The following CENPP variants were observed in gnomAD, a reference collection of about 807,000 sequenced individuals.
CENPP encodes the protein centromere protein P.
CENPP carries 24 observed loss-of-function variants against 35.6 expected under a neutral mutation model. The ratio of observed to expected loss-of-function variants is 0.67; its 90% CI spans 0.49 to 0.95. The LOEUF (loss-of-function observed/expected upper bound fraction) is 0.95. Among genes scored for constraint, CENPP ranks in the 40% least tolerant of loss-of-function variants. The pLI is 0.00. For synonymous variants in CENPP, 120 were observed against 125.5 expected, an observed-to-expected ratio of 0.96 and a Z score of 0.29; for missense variants, 332 against 345.3, an observed-to-expected ratio of 0.96 and a Z score of 0.31.
chr9:92,505,549 A>G, intron 5 of CENPP: 1 of 1,600,492 alleles, frequency 6.2e-7, no homozygotes, highest in African/African-American at 1.3e-5. Flanking sequence ...AGAACCAGGA[A>G]GACCCTGCGG....
At chr9:92,490,730 A>G (rs897640395) in intron 5 of CENPP, among the ~76,000 whole-genome samples, 1 of 152,226 alleles carries the variant, frequency 6.6e-6, no homozygotes, top group African/African-American at 2.4e-5. Flanking sequence ...AATCAGATTG[A>G]TTACTAAGTA....
rs1843547812 is a variant in CENPP at position 92,415,018 on chromosome 9, CTTAAA to C, written c.564+35162_564+35166del. 1.4e-5 allele frequency: 9 copies of C among 633,574 alleles called. No homozygotes were observed. In the South Asian group the frequency reaches 1.7e-4, roughly 12 times the overall value. 39.2% of individuals were successfully genotyped at this position (633,574 alleles called of 1,614,324 possible). ...GAAATGATGCAGATGTCACCAACAA[CTTAAA>C]TTCAATTCTGATCTTATACTAATAC... On this transcript the variant is annotated intron_variant, in intron 5 of 7. Coordinates refer to ENST00000375587, the MANE Select transcript of CENPP (RefSeq NM_001012267.3).
chr9:92,393,174 A>G lies in CENPP; in HGVS notation c.564+13315A>G, dbSNP rs370858536. 2.0e-5 allele frequency: 32 copies of G among 1,613,710 alleles called. No individual in the cohort carries two copies. In the African/African-American group the frequency reaches 3.9e-4, roughly 20 times the overall value. ...CTGATTCCTTTGGTAAGGGTGGTACAGCATCAATGTCAACTTCTTCACAGT... is the reference window on the plus strand; with the variant it reads ...CTGATTCCTTTGGTAAGGGTGGTACGGCATCAATGTCAACTTCTTCACAGT... On this transcript the variant is annotated intron_variant, in intron 5 of 7. Transcript: ENST00000375587.
intron 5 of CENPP, among the ~76,000 whole-genome samples, chr9:92,453,620 A>G (rs557188790): frequency 6.6e-6 from 1 of 152,074 alleles, no homozygotes; most frequent in Non-Finnish European, 1.5e-5. Context: ...TTAGAGACTT[A>G]GACTCCCACA....
intron 5 of CENPP, among the ~76,000 whole-genome samples, chr9:92,511,544 T>A (rs933846408): frequency 3.9e-5 from 6 of 152,120 alleles, no homozygotes; most frequent in Admixed American, 3.9e-4. Flanking sequence ...CTAATTTTTA[T>A]ATGAGCCTAT....
chr9:92,568,233 C>G (rs1046845032), intron 5 of CENPP, among the ~76,000 whole-genome samples: 3 of 149,164 alleles, frequency 2.0e-5, no homozygotes, highest in African/African-American at 7.6e-5. Flanking sequence ...TATCCTTCCC[C>G]CTTCCCCCCA....
intron 4 of CENPP, among the ~76,000 whole-genome samples, chr9:92,352,505 G>GTGTGTGTGTATAAATATATA: frequency 6.0e-5 from 3 of 49,766 alleles, no homozygotes; most frequent in Non-Finnish European, 3.3e-5. Context: ...GTGTGTGTGT[G>GTGTGTGTGTATAAATATATA]TATACATATA....
Position 92,352,944 on chromosome 9 carries a change from A to T in CENPP, c.467+7157A>T, listed in dbSNP as rs549447764. Among the ~76,000 whole-genome samples the T allele has an allele frequency of 1.6e-4, 25 of 152,212 alleles. 1 individual carries two copies. The highest frequency in any genetic ancestry group is 5.8e-4 in the African/African-American group (24 of 41,516). On this transcript the variant is annotated intron_variant, in intron 4 of 7. Transcript: ENST00000375587. ...AACCATGACAAGTCCACCCCTTGTC[A>T]ACTTGAACCCATACACATCTCCTAA...
chr9:92,577,832 G>T lies in CENPP; in HGVS notation c.565-33482G>T, dbSNP rs976527918. Among the ~76,000 whole-genome samples, 7 of 151,474 alleles carry T rather than the reference G, an allele frequency of 4.6e-5. No homozygotes were observed. The South Asian group carries it at 1.5e-3, about 32-fold the overall frequency. On this transcript the variant is annotated intron_variant, in intron 5 of 7. Transcript: ENST00000375587. ...TTATTATTATACTTTAAGTTTTAGG[G>T]TACATGTGCACAATGTGCAGGTTAG...
At chr9:92,339,876 G>T (rs555388687) in intron 3 of CENPP, 1 of 153,842 alleles carries the variant, frequency 6.5e-6, no homozygotes, top group East Asian at 1.9e-4. Context: ...CTTTGTAAAA[G>T]GTTTCATAGT....
chr9:92,477,469 T>C (rs938664814), intron 5 of CENPP, among the ~76,000 whole-genome samples: 1 of 152,158 alleles, frequency 6.6e-6, no homozygotes, highest in Non-Finnish European at 1.5e-5. Context: ...TCCAGTTTAT[T>C]CTGTAACATT....
chr9:92,561,258 A>G (rs1849841056), intron 5 of CENPP, among the ~76,000 whole-genome samples: 1 of 152,194 alleles, frequency 6.6e-6, no homozygotes, highest in South Asian at 2.1e-4. Context: ...ATCTATAAGA[A>G]CAAGACAAAC....
intron 5 of CENPP, among the ~76,000 whole-genome samples, chr9:92,416,058 G>GTATATATATA (rs1554760078): frequency 6.1e-5 from 8 of 130,932 alleles, no homozygotes; most frequent in African/African-American, 2.2e-4. Flanking sequence ...ATATATGTGT[G>GTATATATATA]TATATATATA....
chr9:92,480,620 T>G (rs2131100866), intron 5 of CENPP, among the ~76,000 whole-genome samples: 1 of 152,340 alleles, frequency 6.6e-6, no homozygotes, highest in African/African-American at 2.4e-5. Context: ...GTCTACAAAC[T>G]TAGAAAGTTT....
chr9:92,403,373 A>C (rs753096520), intron 5 of CENPP: 1 of 1,613,060 alleles, frequency 6.2e-7, no homozygotes, highest in African/African-American at 1.3e-5. Context: ...AGGCACAAGC[A>C]GTAACAGGAG....
At chr9:92,438,835 C>T (rs986863070) in intron 5 of CENPP, among the ~76,000 whole-genome samples, 2 of 152,216 alleles carry the variant, frequency 1.3e-5, no homozygotes, top group African/African-American at 4.8e-5. Context: ...TGCCTGTAAT[C>T]CCAGCTGCTT....
In CENPP at chr9:92,546,375, A is replaced by G. The variant is rs1388843986; in HGVS notation, c.565-64939A>G. Among the ~76,000 whole-genome samples, 6 of 152,294 alleles carry G rather than the reference A, an allele frequency of 3.9e-5. No homozygotes were observed. The South Asian group carries it at 1.0e-3, about 26-fold the overall frequency. On this transcript the variant is annotated intron_variant, in intron 5 of 7. Coordinates refer to ENST00000375587, the MANE Select transcript of CENPP (RefSeq NM_001012267.3). ...GAAGCTTTGTTCTTTTGCTCTTTGC[A>G]ATAAATCTTGCTGCTGCTCACTCTT...
At chr9:92,537,109 C>T (rs1588254042) in intron 5 of CENPP, among the ~76,000 whole-genome samples, 1 of 151,650 alleles carries the variant, frequency 6.6e-6, no homozygotes, top group Non-Finnish European at 1.5e-5. Context: ...CTCTTGACCT[C>T]ATGTGATCCA....
At chr9:92,368,170 A>G (rs1023841314) in intron 4 of CENPP, among the ~76,000 whole-genome samples, 2 of 152,236 alleles carry the variant, frequency 1.3e-5, no homozygotes, top group East Asian at 1.9e-4. Flanking sequence ...ATATAGCCAT[A>G]GATCATCTAC....
Sources: allele counts gnomAD v4.1 joint callset (sites outside exome capture counted in the v4.1 genomes callset), GRCh38; gene constraint gnomAD v4.1.1; transcripts MANE v1.5; gene names NCBI Gene and HGNC (gene_info 2026-07-23, HGNC 2026-07-21).